Variants in RALGAPA2 observed in about 807,000 individuals in gnomAD.
The protein encoded by RALGAPA2 is ral GTPase-activating protein subunit alpha-2.
A neutral mutation model predicts 230.4 loss-of-function variants in RALGAPA2; 139 were observed. The observed-to-expected ratio is 0.60, with a 90% CI of 0.53 to 0.69. The LOEUF (loss-of-function observed/expected upper bound fraction) is 0.69. Among genes scored for constraint, RALGAPA2 ranks in the 30% least tolerant of loss-of-function variants. The probability of loss-of-function intolerance (pLI) is 0.00; values close to 1 mark genes in which losing one functional copy is unlikely to be tolerated. For synonymous variants in RALGAPA2, 847 were observed against 837.8 expected, an observed-to-expected ratio of 1.01 and a Z score of -0.19; for missense variants, 2,163 against 2,276.0, an observed-to-expected ratio of 0.95 and a Z score of 1.01.
rs1005112888 is a variant in RALGAPA2 at position 20,391,578 on chromosome 20, C to T, written c.*1711G>A. 7 of 152,222 alleles carry T rather than the reference C, an allele frequency of 4.6e-5. No homozygotes were observed. Among genetic ancestry groups the T allele is most frequent in the African/African-American group, 1.7e-4 (7 of 41,448 alleles). The allele number at this position is 152,222 out of a possible 1,614,324, so 9.4% of individuals were successfully genotyped here. A position where few individuals can be genotyped will look rare whatever the true frequency, so the allele number is the denominator to read the frequency against. On this transcript the variant is annotated 3_prime_UTR_variant, in exon 40 of 40. Transcript: ENST00000202677. Reference sequence around the variant, plus strand: ...CTGGCTCAGCTCTTTCTCATTTGTCCCAAGAGTGAGTCTGGCTCCTGAGTC... The same window carrying T: ...CTGGCTCAGCTCTTTCTCATTTGTCTCAAGAGTGAGTCTGGCTCCTGAGTC...
chr20:20,499,675 A>G (rs529655028), intron 35 of RALGAPA2, among the ~76,000 whole-genome samples: 1 of 152,338 alleles, frequency 6.6e-6, no homozygotes, highest in East Asian at 1.9e-4. Context: ...TGGCTGTAGT[A>G]CTGCCACCCC....
rs1297282796 is a variant in RALGAPA2, at chr20:20,450,122, T to C, written c.5495+22707A>G. On this transcript the variant is annotated intron_variant, in intron 37 of 39. Transcript: ENST00000202677. ...GTAGAATATAAATGGATTCCACATA[T>C]ACAAATAAATATCTTGCTAGCAAAA... 4.6e-5 allele frequency among the ~76,000 whole-genome samples: 7 copies of C among 152,226 alleles called. No homozygotes were observed. In the East Asian group the frequency reaches 5.8e-4, roughly 13 times the overall value.
At chr20:20,587,951 A>G (rs1239044053) in intron 18 of RALGAPA2, among the ~76,000 whole-genome samples, 1 of 152,152 alleles carries the variant, frequency 6.6e-6, no homozygotes, top group Non-Finnish European at 1.5e-5. Flanking sequence ...CACTCAGTTG[A>G]CCAATAAAAA....
chr20:20,688,364 T>C (rs1392662975), intron 1 of RALGAPA2, among the ~76,000 whole-genome samples: 2 of 150,910 alleles, frequency 1.3e-5, no homozygotes, highest in Non-Finnish European at 2.9e-5. Flanking sequence ...AAAGTATTCA[T>C]GTGGATGAAA....
intron 27 of RALGAPA2, among the ~76,000 whole-genome samples, chr20:20,527,311 A>T (rs1253755344): frequency 6.6e-6 from 1 of 152,100 alleles, no homozygotes; most frequent in African/African-American, 2.4e-5. Context: ...GACTACCCCT[A>T]CCTGAGAGGC....
At chr20:20,601,638 A>C (rs903445368) in intron 16 of RALGAPA2, 44 bp downstream of exon 16, 1 of 1,581,594 alleles carries the variant, frequency 6.3e-7, no homozygotes, top group Admixed American at 1.8e-5. Context: ...AATTTATTTT[A>C]GATAACAATT....
At chr20:20,706,119 A>G (rs1311256903) in intron 1 of RALGAPA2, among the ~76,000 whole-genome samples, 1 of 152,268 alleles carries the variant, frequency 6.6e-6, no homozygotes, top group African/African-American at 2.4e-5. Context: ...AAAAGTTTAC[A>G]GCAAAATATT....
intron 3 of RALGAPA2, among the ~76,000 whole-genome samples, chr20:20,668,637 A>G (rs2068035524): frequency 6.6e-6 from 1 of 152,224 alleles, no homozygotes; most frequent in African/African-American, 2.4e-5. Flanking sequence ...CCACAGTCAA[A>G]TGATAACACA....
chr20:20,616,819 T>G (rs150853674), intron 12 of RALGAPA2, among the ~76,000 whole-genome samples: 2 of 152,338 alleles, frequency 1.3e-5, no homozygotes, highest in Non-Finnish European at 2.9e-5. Context: ...ATACAAAATC[T>G]AAGTGAATTC....
intron 12 of RALGAPA2, among the ~76,000 whole-genome samples, chr20:20,618,040 G>C (rs1001351770): frequency 2.6e-5 from 4 of 151,986 alleles, no homozygotes; most frequent in African/African-American, 9.7e-5. Flanking sequence ...TTTTTCTCAT[G>C]AACATTATGA....
intron 7 of RALGAPA2, among the ~76,000 whole-genome samples, chr20:20,637,840 T>C (rs1207901921): frequency 1.3e-5 from 2 of 152,246 alleles, no homozygotes; most frequent in Non-Finnish European, 2.9e-5. Flanking sequence ...TTAAAACATT[T>C]AGTCACAAAC....
intron 1 of RALGAPA2, among the ~76,000 whole-genome samples, chr20:20,686,612 A>G (rs2068710331): frequency 1.3e-5 from 2 of 152,186 alleles, no homozygotes; most frequent in Non-Finnish European, 2.9e-5. Flanking sequence ...CATATGTAGA[A>G]TGCTTATAAG....
At chr20:20,523,705 T>C (rs555169225) in intron 30 of RALGAPA2, among the ~76,000 whole-genome samples, 1 of 152,274 alleles carries the variant, frequency 6.6e-6, no homozygotes, top group Admixed American at 6.5e-5. Flanking sequence ...GTACATCTAA[T>C]ATGTATCAAC....
At chr20:20,527,998 T>A (rs1303188447) in intron 27 of RALGAPA2, among the ~76,000 whole-genome samples, 1 of 151,818 alleles carries the variant, frequency 6.6e-6, no homozygotes, top group Non-Finnish European at 1.5e-5. Context: ...GAGTGGGACA[T>A]GAGGCTTGGG....
intron 18 of RALGAPA2, among the ~76,000 whole-genome samples, chr20:20,586,349 C>T (rs2065133665): frequency 6.6e-6 from 1 of 152,212 alleles, no homozygotes. Flanking sequence ...AAGTAGCACT[C>T]TCCATGTGGT....
intron 38 of RALGAPA2, among the ~76,000 whole-genome samples, chr20:20,410,158 C>T (rs761311014): frequency 3.9e-5 from 6 of 152,172 alleles, no homozygotes; most frequent in Non-Finnish European, 7.3e-5. Flanking sequence ...TTGAAGAAGC[C>T]TATTGACAAT....
intron 14 of RALGAPA2, among the ~76,000 whole-genome samples, chr20:20,610,162 A>C (rs1363422514): frequency 2.0e-5 from 3 of 152,204 alleles, no homozygotes; most frequent in Admixed American, 1.3e-4. Context: ...TGAGGAGGGA[A>C]GTTAATTTCT....
intron 16 of RALGAPA2, among the ~76,000 whole-genome samples, chr20:20,592,964 T>C (rs2065338640): frequency 1.3e-5 from 2 of 152,106 alleles, no homozygotes; most frequent in Admixed American, 6.5e-5. Context: ...TGTTGCCAGG[T>C]TGGAGTGCAG....
intron 37 of RALGAPA2, chr20:20,471,494 C>T (rs2061540056): frequency 6.8e-6 from 1 of 148,132 alleles, no homozygotes; most frequent in Admixed American, 6.8e-5. Context: ...AGTTGACATG[C>T]AAACTGACAA....
Sources: gnomAD v4.1 joint callset for allele counts (sites outside exome capture counted in the v4.1 genomes callset) on GRCh38, gnomAD v4.1.1 for gene constraint, MANE v1.5 for transcripts, NCBI Gene and HGNC (gene_info 2026-07-23, HGNC 2026-07-21) for gene names.